The following AQP7B variants were observed in gnomAD, a reference collection of about 807,000 sequenced individuals.
The protein encoded by AQP7B is putative aquaporin-7B.
the AQP7B span, among the ~76,000 whole-genome samples, chr2:94,601,457 A>G: frequency 6.6e-6 from 1 of 152,208 alleles, no homozygotes; most frequent in Non-Finnish European, 1.5e-5. Context: ...TTAGCGCATC[A>G]GGCATAGCTG....
chr2:94,601,243 G>A, the AQP7B span, among the ~76,000 whole-genome samples: 2 of 152,192 alleles, frequency 1.3e-5, no homozygotes, highest in Non-Finnish European at 2.9e-5. Context: ...TGTCAAGTAG[G>A]GGAGAATAAT....
the AQP7B span, chr2:94,594,925 G>A: frequency 1.8e-6 from 2 of 1,084,588 alleles, no homozygotes; most frequent in Non-Finnish European, 2.8e-6. Flanking sequence ...GGCTGTCCAT[G>A]ACCCCCTCCC....
the AQP7B span, among the ~76,000 whole-genome samples, chr2:94,591,256 A>G: frequency 6.6e-6 from 1 of 151,942 alleles, no homozygotes; most frequent in Non-Finnish European, 1.5e-5. Context: ...GGCTCCTCAC[A>G]CTCAACATGT....
chr2:94,594,234 A>T, the AQP7B span, among the ~76,000 whole-genome samples: 8 of 152,174 alleles, frequency 5.3e-5, no homozygotes, highest in Non-Finnish European at 1.2e-4. Context: ...TTCAGCACTC[A>T]GTGCTGTTTA....
chr2:94,590,569 C>T, the AQP7B span, among the ~76,000 whole-genome samples: 1 of 152,062 alleles, frequency 6.6e-6, no homozygotes, highest in Non-Finnish European at 1.5e-5. Flanking sequence ...TTATGGTTGA[C>T]TGGTTGATTA....
At chr2:94,589,899 A>T in the AQP7B span, among the ~76,000 whole-genome samples, 959 of 152,176 alleles carry the variant, frequency 6.3e-3, 12 homozygotes, top group African/African-American at 0.022. Flanking sequence ...CCTCACATCC[A>T]GTCACCAATC....
chr2:94,599,670 G>A, the AQP7B span, among the ~76,000 whole-genome samples: 1 of 151,908 alleles, frequency 6.6e-6, no homozygotes, highest in Non-Finnish European at 1.5e-5. Flanking sequence ...ACTTTACTCT[G>A]TCCTTTTTCT....
the AQP7B span, among the ~76,000 whole-genome samples, chr2:94,596,677 C>G: frequency 1.3e-5 from 2 of 152,276 alleles, no homozygotes; most frequent in East Asian, 3.9e-4. Context: ...CGACTATCCA[C>G]AAGTATCTTA....
chr2:94,603,059 G>A, the AQP7B span: 3 of 1,597,616 alleles, frequency 1.9e-6, no homozygotes, highest in African/African-American at 4.0e-5. Context: ...ATGCAGCTGT[G>A]ACCTTCACTA....
chr2:94,596,712 G>A, the AQP7B span, among the ~76,000 whole-genome samples: 5 of 152,072 alleles, frequency 3.3e-5, no homozygotes, highest in East Asian at 3.9e-4. Context: ...TAGCTTTCTT[G>A]TTTTTGAGAC....
At chr2:94,595,998 GGAAT>G in the AQP7B span, among the ~76,000 whole-genome samples, 1 of 152,206 alleles carries the variant, frequency 6.6e-6, no homozygotes, top group African/African-American at 2.4e-5. Flanking sequence ...AGAGCCCTGA[GGAAT>G]GAAGAGGGGC....
At chr2:94,602,244 G>A in the AQP7B span, among the ~76,000 whole-genome samples, 10 of 152,110 alleles carry the variant, frequency 6.6e-5, no homozygotes, top group South Asian at 1.7e-3. Context: ...GATGTTTGTC[G>A]TAAGAGCTTC....
the AQP7B span, among the ~76,000 whole-genome samples, chr2:94,588,360 T>A: frequency 6.6e-6 from 1 of 151,930 alleles, no homozygotes; most frequent in Non-Finnish European, 1.5e-5. Context: ...CCTCCCTCCC[T>A]GTTGCTTGGC....
At chr2:94,602,604 G>A in the AQP7B span, 1 of 1,595,366 alleles carries the variant, frequency 6.3e-7, no homozygotes, top group African/African-American at 1.3e-5. Context: ...CACGTGGCAG[G>A]CCGCATCTCT....
the AQP7B span, among the ~76,000 whole-genome samples, chr2:94,595,673 G>T: frequency 3.9e-5 from 6 of 152,162 alleles, no homozygotes; most frequent in South Asian, 1.2e-3. Context: ...ACAGAGAGAG[G>T]GTGATGACTG....
the AQP7B span, among the ~76,000 whole-genome samples, chr2:94,600,762 T>C: frequency 4.6e-5 from 7 of 151,108 alleles, no homozygotes; most frequent in Non-Finnish European, 8.8e-5. Flanking sequence ...ACCTACAATC[T>C]CAACTACTCG....
the AQP7B span, among the ~76,000 whole-genome samples, chr2:94,602,018 AGTGT>A: frequency 0.064 from 8,954 of 139,810 alleles, 857 homozygotes; most frequent in African/African-American, 0.21. Flanking sequence ...ATTGCGGCGG[AGTGT>A]GTGTGTGTGT....
the AQP7B span, chr2:94,603,474 G>A: frequency 2.9e-5 from 46 of 1,611,414 alleles, no homozygotes; most frequent in Non-Finnish European, 3.8e-5. Flanking sequence ...CTGATCACAT[G>A]ACATTGTGGC....
the AQP7B span, chr2:94,602,463 G>A: frequency 1.3e-6 from 2 of 1,591,022 alleles, no homozygotes; most frequent in Non-Finnish European, 1.7e-6. Flanking sequence ...TTCTGGGCAG[G>A]CAGCCCCCTT....
Sources: gnomAD v4.1 joint callset for allele counts (sites outside exome capture counted in the v4.1 genomes callset) on GRCh38, gnomAD v4.1.1 for gene constraint, MANE v1.5 for transcripts, NCBI Gene and HGNC (gene_info 2026-07-23, HGNC 2026-07-21) for gene names.